The following CLEC9A variants were observed in gnomAD, a reference collection of about 807,000 sequenced individuals.
CLEC9A encodes C-type lectin domain containing 9A, also known as C-type lectin domain family 9 member A.
A neutral mutation model predicts 30.0 loss-of-function variants in CLEC9A; 24 were observed. That is an observed-to-expected ratio of 0.80 (90% CI 0.58 to 1.13). CLEC9A has a LOEUF of 1.13. CLEC9A is among the 50% of genes most tolerant of loss of function. The pLI is 0.00. For missense variants in CLEC9A, 251 were observed against 280.9 expected (o/e 0.89, Z 0.76); for synonymous variants, 111 against 96.8 (o/e 1.15, Z -0.86).
At chr12:10,052,833 T>C in intron 4 of CLEC9A, 55 bp downstream of exon 4, 14 of 1,587,740 alleles carry the variant, frequency 8.8e-6, no homozygotes, top group Middle Eastern at 1.7e-4. Context: ...TTTTTTTTTT[T>C]TTCTGCTCTA....
rs1314690560 is a variant in CLEC9A, at chr12:10,032,433, C to T, written c.-318+1461C>T. On this transcript the variant is annotated intron_variant, in intron 1 of 8. Transcript: ENST00000355819. ...TGAGACGGAGTCTCGCTTTGTCACC[C>T]AGGCTGGACTGCAGTGGCGCAATCT... Among the ~76,000 whole-genome samples the T allele has an allele frequency of 4.0e-5, 6 of 148,744 alleles. No individual in the cohort carries two copies. In the East Asian group the frequency reaches 1.2e-3, roughly 30 times the overall value.
intron 4 of CLEC9A, 53 bp downstream of exon 4, chr12:10,052,831 T>C (rs1865906997): frequency 3.8e-6 from 6 of 1,591,828 alleles, no homozygotes; most frequent in East Asian, 2.2e-5. Context: ...GTTTTTTTTT[T>C]TTTTCTGCTC....
intron 5 of CLEC9A, among the ~76,000 whole-genome samples, chr12:10,059,295 A>C (rs1053374095): frequency 1.3e-5 from 2 of 152,230 alleles, no homozygotes; most frequent in African/African-American, 4.8e-5. Flanking sequence ...GTGCAAATCA[A>C]TTGAAAGAAG....
intron 1 of CLEC9A, among the ~76,000 whole-genome samples, chr12:10,031,323 C>T (rs913275583): frequency 6.6e-6 from 1 of 152,218 alleles, no homozygotes; most frequent in Admixed American, 6.5e-5. Flanking sequence ...CTTCCTTACT[C>T]TTGCTCCTAC....
chr12:10,060,982 T>G (rs1865991399), intron 5 of CLEC9A, 145 bp from the exon 6 acceptor site: 2 of 944,762 alleles, frequency 2.1e-6, no homozygotes, highest in Non-Finnish European at 1.5e-6. Flanking sequence ...TCTTGTACAA[T>G]GTAAATTTTA....
rs562952862 is a variant in CLEC9A at position 10,030,818 on chromosome 12, T to G, written c.-472T>G. 3.9e-5 allele frequency: 6 copies of G among 152,378 alleles called. No individual in the cohort carries two copies. The South Asian group carries it at 1.2e-3, about 32-fold the overall frequency. 9.4% of individuals were successfully genotyped at this position (152,378 alleles called of 1,614,324 possible). A position where few individuals can be genotyped will look rare whatever the true frequency, so the allele number is the denominator to read the frequency against. ...ACCTTGTCCTGAAGAAAACATACTC[T>G]AAGGCCCACAGATGATTAAACCCAG... is the stretch of plus-strand genomic sequence containing the variant. On this transcript the variant is annotated 5_prime_UTR_variant, in exon 1 of 9. Coordinates refer to ENST00000355819, the MANE Select transcript of CLEC9A (RefSeq NM_207345.4).
intron 5 of CLEC9A, among the ~76,000 whole-genome samples, chr12:10,057,511 A>T (rs1865953415): frequency 6.6e-6 from 1 of 151,930 alleles, no homozygotes; most frequent in Non-Finnish European, 1.5e-5. Context: ...GGTAAAATTA[A>T]TTATGTCATA....
intron 2 of CLEC9A, among the ~76,000 whole-genome samples, chr12:10,043,609 AGT>A (rs34659428): frequency 2.0e-3 from 291 of 143,916 alleles, no homozygotes; most frequent in East Asian, 5.3e-3. Context: ...ACCATGGAAC[AGT>A]GTGTGTGTGT....
chr12:10,035,338 C>T (rs1285524163), intron 1 of CLEC9A, among the ~76,000 whole-genome samples: 3 of 152,172 alleles, frequency 2.0e-5, no homozygotes, highest in Non-Finnish European at 2.9e-5. Context: ...GGCAAAGGCC[C>T]GGGGGTGGAG....
intron 4 of CLEC9A, among the ~76,000 whole-genome samples, chr12:10,053,547 G>C (rs1865914172): frequency 6.6e-6 from 1 of 152,080 alleles, no homozygotes; most frequent in Non-Finnish European, 1.5e-5. Flanking sequence ...AGATAATTCA[G>C]GCTAATCTTC....
At chr12:10,041,860 A>G (rs890243062) in intron 2 of CLEC9A, among the ~76,000 whole-genome samples, 5 of 152,230 alleles carry the variant, frequency 3.3e-5, no homozygotes, top group Middle Eastern at 3.2e-3. Context: ...GCTCAGGTAC[A>G]TAGTGGGTCA....
intron 1 of CLEC9A, among the ~76,000 whole-genome samples, chr12:10,033,051 T>A (rs1865713853): frequency 6.6e-6 from 1 of 152,026 alleles, no homozygotes; most frequent in Admixed American, 6.6e-5. Flanking sequence ...ATCTAATGGC[T>A]AGTTCTCAGA....
chr12:10,033,198 A>G (rs1010767225), intron 1 of CLEC9A, among the ~76,000 whole-genome samples: 1 of 151,712 alleles, frequency 6.6e-6, no homozygotes, highest in African/African-American at 2.4e-5. Context: ...TCACAACCCA[A>G]TCCTCCCTCA....
At chr12:10,031,011 A>G (rs1865691149) in intron 1 of CLEC9A, 39 bp downstream of exon 1, 1 of 152,234 alleles carries the variant, frequency 6.6e-6, no homozygotes, top group African/African-American at 2.4e-5. Flanking sequence ...GTATGTCATT[A>G]CAGATGATGC....
intron 5 of CLEC9A, among the ~76,000 whole-genome samples, chr12:10,057,090 T>A (rs1324392589): frequency 1.3e-5 from 2 of 152,092 alleles, no homozygotes; most frequent in Non-Finnish European, 2.9e-5. Flanking sequence ...CCAGTTACCA[T>A]AATAAAACTG....
intron 4 of CLEC9A, 33 bp downstream of exon 4, chr12:10,052,811 T>C: frequency 6.3e-7 from 1 of 1,599,086 alleles, no homozygotes; most frequent in Non-Finnish European, 8.5e-7. Flanking sequence ...TGTGAGACTT[T>C]AGAGTTCATG....
At chr12:10,062,952 T>G in intron 6 of CLEC9A, 103 bp from the exon 7 acceptor site, 26 of 927,116 alleles carry the variant, frequency 2.8e-5, no homozygotes, top group Non-Finnish European at 4.1e-5. Context: ...CATTACGTTA[T>G]GAGATTCAGC....
At chr12:10,050,561 C>T (rs764800209) in intron 2 of CLEC9A, among the ~76,000 whole-genome samples, 7 of 152,030 alleles carry the variant, frequency 4.6e-5, no homozygotes, top group Non-Finnish European at 1.0e-4. Context: ...AGTAAAGGTA[C>T]GATTAAAAAC....
intron 1 of CLEC9A, among the ~76,000 whole-genome samples, chr12:10,037,464 G>A (rs966102567): frequency 1.2e-4 from 18 of 152,106 alleles, no homozygotes; most frequent in Admixed American, 1.2e-3. Flanking sequence ...GGGCCAAGGA[G>A]GGCACTGACT....
Sources: gnomAD v4.1 joint callset for allele counts (sites outside exome capture counted in the v4.1 genomes callset) on GRCh38, gnomAD v4.1.1 for gene constraint, MANE v1.5 for transcripts, NCBI Gene and HGNC (gene_info 2026-07-23, HGNC 2026-07-21) for gene names.